The following IL1RAPL2 variants were observed in gnomAD, a reference collection of about 807,000 sequenced individuals.
The protein encoded by IL1RAPL2 is interleukin 1 receptor accessory protein like 2.
Under a neutral mutation model 44.1 loss-of-function variants are expected in IL1RAPL2, and 3 were observed. The observed-to-expected ratio is 0.07, with a 90% CI of 0.03 to 0.18. IL1RAPL2 has a LOEUF of 0.18. Among genes scored for constraint, IL1RAPL2 ranks in the 10% least tolerant of loss-of-function variants. IL1RAPL2 has a pLI of 1.00. For synonymous variants in IL1RAPL2, 181 were observed against 178.8 expected, an observed-to-expected ratio of 1.01 and a Z score of -0.10; for missense variants, 391 against 496.4, an observed-to-expected ratio of 0.79 and a Z score of 2.02.
intron 2 of IL1RAPL2, among the ~76,000 whole-genome samples, chrX:104,717,445 T>TAA (rs767384557): frequency 1.6e-4 from 13 of 83,542 alleles, no homozygotes; most frequent in South Asian, 5.8e-4. Context: ...ACTTAAAAGT[T>TAA]AAAAAAAAAA....
chrX:105,407,010 GCTGACACCA>G (rs2147738383), intron 5 of IL1RAPL2: 1 of 1,054,898 alleles, frequency 9.5e-7, no homozygotes, highest in South Asian at 1.9e-5. Flanking sequence ...TTGAAGAGAT[GCTGACACCA>G]CTACACATGT....
rs1435737221 is a variant in IL1RAPL2 at position 105,591,631 on chromosome X, G to A, written c.772+107244G>A. ...GTATGTTGTAAATTTATTTTCATTA[G>A]TTTCAAATAATTTCTTGATTTCTGC... is the stretch of plus-strand genomic sequence containing the variant. On this transcript the variant is annotated intron_variant, in intron 6 of 10. Transcript: ENST00000372582. 6.3e-5 allele frequency among the ~76,000 whole-genome samples: 7 copies of A among 111,580 alleles called. No individual in the cohort carries two copies. The East Asian group carries it at 1.1e-3, about 18-fold the overall frequency.
At chrX:105,570,854 A>G (rs1485096756) in intron 6 of IL1RAPL2, among the ~76,000 whole-genome samples, 1 of 111,869 alleles carries the variant, frequency 8.9e-6, no homozygotes, top group Non-Finnish European at 1.9e-5. Flanking sequence ...TCACAATGCC[A>G]TGCATTTGGA....
chrX:105,524,104 T>G (rs1292041923), intron 6 of IL1RAPL2, among the ~76,000 whole-genome samples: 2 of 111,670 alleles, frequency 1.8e-5, no homozygotes, highest in Non-Finnish European at 3.8e-5. Context: ...AGTTCTCGGC[T>G]CAAAGGCCTC....
intron 2 of IL1RAPL2, among the ~76,000 whole-genome samples, chrX:105,158,530 T>G (rs770645689): frequency 8.9e-6 from 1 of 112,017 alleles, no homozygotes; most frequent in African/African-American, 3.2e-5. Context: ...AAACCTGAGT[T>G]ATTTTTTATT....
chrX:104,598,468 C>A (rs1192739539), intron 1 of IL1RAPL2, among the ~76,000 whole-genome samples: 3 of 111,999 alleles, frequency 2.7e-5, no homozygotes, highest in Non-Finnish European at 5.6e-5. Context: ...GGGAGAATTT[C>A]ACTGTGAATG....
intron 2 of IL1RAPL2, among the ~76,000 whole-genome samples, chrX:104,816,785 C>T (rs1244500052): frequency 1.8e-5 from 2 of 111,830 alleles, no homozygotes; most frequent in Non-Finnish European, 3.8e-5. Flanking sequence ...TGACCCTAAA[C>T]AGTTACTTAA....
chrX:105,166,331 A>G lies in IL1RAPL2; in HGVS notation c.83-29144A>G, dbSNP rs2033371571. Among the ~76,000 whole-genome samples, 5 of 111,640 alleles carry G rather than the reference A, an allele frequency of 4.5e-5. No homozygotes were observed. In the South Asian group the frequency reaches 1.9e-3, roughly 42 times the overall value. On this transcript the variant is annotated intron_variant, in intron 2 of 10. Transcript: ENST00000372582. ...GCTCGATAAATGTTGTTGAAAAATG[A>G]AGGAATAAATAAATGAAATAAAGAA... is the stretch of plus-strand genomic sequence containing the variant.
intron 2 of IL1RAPL2, among the ~76,000 whole-genome samples, chrX:104,693,426 G>T (rs2031526411): frequency 8.9e-6 from 1 of 111,742 alleles, no homozygotes; most frequent in Admixed American, 9.5e-5. Flanking sequence ...GTTATCTGTA[G>T]AGGATCTTAA....
chrX:105,373,857 TC>T (rs2035363845), intron 5 of IL1RAPL2, among the ~76,000 whole-genome samples: 1 of 110,145 alleles, frequency 9.1e-6, no homozygotes, highest in South Asian at 3.9e-4. Context: ...AGTGGCTCAC[TC>T]CTATAATCCC....
At chrX:104,673,048 G>T (rs760226887) in intron 2 of IL1RAPL2, among the ~76,000 whole-genome samples, 6 of 111,602 alleles carry the variant, frequency 5.4e-5, no homozygotes, top group Non-Finnish European at 9.4e-5. Flanking sequence ...TTTGTAGGTT[G>T]CCTGTTCACT....
At chrX:104,945,661 C>T (rs895158898) in intron 2 of IL1RAPL2, among the ~76,000 whole-genome samples, 1 of 111,779 alleles carries the variant, frequency 8.9e-6, no homozygotes, top group Admixed American at 9.5e-5. Flanking sequence ...TTTACATGCA[C>T]CCAAAGTGAA....
chrX:104,911,912 T>A lies in IL1RAPL2; in HGVS notation c.82+252917T>A, dbSNP rs539600583. ...TCTCCTGTAAGTGTTTGCAAATAAA[T>A]CTTCTCCGTATTCAGGCCTTCACTC... is the stretch of plus-strand genomic sequence containing the variant. On this transcript the variant is annotated intron_variant, in intron 2 of 10. Coordinates refer to ENST00000372582, the MANE Select transcript of IL1RAPL2 (RefSeq NM_017416.2). 1.6e-4 allele frequency among the ~76,000 whole-genome samples: 18 copies of A among 111,742 alleles called. No individual in the cohort carries two copies. In the South Asian group the frequency reaches 4.1e-3, roughly 26 times the overall value.
At chrX:104,596,923 G>A (rs1018357238) in intron 1 of IL1RAPL2, among the ~76,000 whole-genome samples, 4 of 111,154 alleles carry the variant, frequency 3.6e-5, no homozygotes, top group Non-Finnish European at 7.5e-5. Flanking sequence ...GGCAGGAGAT[G>A]AAGCTGGAGA....
At chrX:105,623,388 G>A (rs2147832061) in intron 6 of IL1RAPL2, among the ~76,000 whole-genome samples, 1 of 109,891 alleles carries the variant, frequency 9.1e-6, no homozygotes, top group African/African-American at 3.3e-5. Flanking sequence ...TTTGGAAAAT[G>A]GAAAAACTGT....
chrX:105,206,396 T>C (rs1556152321), intron 3 of IL1RAPL2, among the ~76,000 whole-genome samples: 1 of 111,637 alleles, frequency 9.0e-6, no homozygotes, highest in Non-Finnish European at 1.9e-5. Context: ...GACACATGGG[T>C]AGTAAATGAT....
intron 6 of IL1RAPL2, among the ~76,000 whole-genome samples, chrX:105,677,856 T>A (rs1346276600): frequency 8.9e-6 from 1 of 112,045 alleles, no homozygotes; most frequent in Non-Finnish European, 1.9e-5. Flanking sequence ...TAAATAATGT[T>A]CTGATGGAGA....
At chrX:105,361,511 A>G (rs1434059805) in intron 5 of IL1RAPL2, among the ~76,000 whole-genome samples, 1 of 111,826 alleles carries the variant, frequency 8.9e-6, no homozygotes, top group African/African-American at 3.2e-5. Flanking sequence ...AGGAGGAAAT[A>G]ATAAGAATAG....
At chrX:104,728,892 A>G (rs1005925194) in intron 2 of IL1RAPL2, among the ~76,000 whole-genome samples, 2 of 111,903 alleles carry the variant, frequency 1.8e-5, no homozygotes, top group Non-Finnish European at 3.8e-5. Context: ...AAAATACAAA[A>G]TGGATCAAGA....
Sources: allele counts gnomAD v4.1 joint callset (sites outside exome capture counted in the v4.1 genomes callset), GRCh38; gene constraint gnomAD v4.1.1; transcripts MANE v1.5; gene names NCBI Gene and HGNC (gene_info 2026-07-23, HGNC 2026-07-21).